The following DAB1 variants were observed in gnomAD, a reference collection of about 807,000 sequenced individuals.
DAB1 encodes the protein disabled homolog 1.
DAB1 carries 15 observed loss-of-function variants against 64.6 expected under a neutral mutation model. That is an observed-to-expected ratio of 0.23 (90% CI 0.16 to 0.36). DAB1 has a LOEUF of 0.36. DAB1 is among the 10% of genes least tolerant of loss of function. The pLI is 1.00. For missense variants in DAB1, 596 were observed against 706.7 expected (o/e 0.84, Z 1.78); for synonymous variants, 235 against 251.9 (o/e 0.93, Z 0.64).
intron 4 of DAB1, among the ~76,000 whole-genome samples, chr1:57,123,216 G>A (rs12564278): frequency 0.011 from 1,719 of 152,126 alleles, 28 homozygotes; most frequent in East Asian, 0.057. Context: ...GGCAGTCCAG[G>A]CAGTTAACAC....
intron 9 of DAB1, among the ~76,000 whole-genome samples, chr1:57,030,230 C>A (rs958239613): frequency 2.0e-5 from 3 of 152,136 alleles, no homozygotes; most frequent in Non-Finnish European, 4.4e-5. Flanking sequence ...TGCTGCCATG[C>A]GAGAAGTGCC....
intron 4 of DAB1, among the ~76,000 whole-genome samples, chr1:58,317,501 C>G (rs1165213519): frequency 6.6e-6 from 1 of 152,198 alleles, no homozygotes; most frequent in African/African-American, 2.4e-5. Flanking sequence ...ATTCAACTGG[C>G]TTGAAGATGG....
intron 1 of DAB1, among the ~76,000 whole-genome samples, chr1:57,413,505 G>A (rs1401121235): frequency 6.6e-6 from 1 of 152,094 alleles, no homozygotes; most frequent in African/African-American, 2.4e-5. Flanking sequence ...ACTTTGGGAG[G>A]CGGAAGCGGG....
At chr1:57,262,322 A>G (rs1011370067) in intron 2 of DAB1, among the ~76,000 whole-genome samples, 1 of 152,250 alleles carries the variant, frequency 6.6e-6, no homozygotes, top group Non-Finnish European at 1.5e-5. Context: ...CATCAACTCC[A>G]ATCATTAGGC....
chr1:58,160,216 G>A (rs923932685), intron 4 of DAB1, among the ~76,000 whole-genome samples: 11 of 152,102 alleles, frequency 7.2e-5, no homozygotes, highest in Non-Finnish European at 1.0e-4. Context: ...GGTAAGAGCT[G>A]TCACCCAGTC....
rs184522335 is a variant in DAB1, at chr1:57,039,785, T to G, written c.724-13742A>C. Among the ~76,000 whole-genome samples, 880 of 152,226 alleles carry G rather than the reference T, an allele frequency of 5.8e-3. 11 individuals carry two copies. Among genetic ancestry groups the G allele is most frequent in the African/African-American group, 0.02 (825 of 41,538 alleles). On this transcript the variant is annotated intron_variant, in intron 9 of 14. Transcript: ENST00000371236. Reference sequence around the variant, plus strand: ...GGTGGCATGATCTGCAGGCAGAAAATCATTATGCAAATAAGCTACTAATGG... The same window carrying G: ...GGTGGCATGATCTGCAGGCAGAAAAGCATTATGCAAATAAGCTACTAATGG...
At chr1:58,038,210 T>G (rs1454132870) in intron 5 of DAB1, among the ~76,000 whole-genome samples, 3 of 152,192 alleles carry the variant, frequency 2.0e-5, no homozygotes, top group Admixed American at 6.5e-5. Context: ...ACAATTGATG[T>G]GGCTTCTCAG....
intron 3 of DAB1, among the ~76,000 whole-genome samples, chr1:58,456,134 A>G (rs1645191139): frequency 6.6e-6 from 1 of 152,246 alleles, no homozygotes; most frequent in Non-Finnish European, 1.5e-5. Flanking sequence ...GAATCTCTCA[A>G]TTTTCTTTTC....
intron 5 of DAB1, among the ~76,000 whole-genome samples, chr1:58,063,782 A>G (rs751521131): frequency 2.0e-5 from 3 of 152,242 alleles, no homozygotes; most frequent in Non-Finnish European, 4.4e-5. Context: ...ACAATGGGAA[A>G]GCCGCAGGTG....
intron 7 of DAB1, among the ~76,000 whole-genome samples, chr1:57,562,006 C>T (rs1325112489): frequency 6.6e-6 from 1 of 152,256 alleles, no homozygotes; most frequent in Non-Finnish European, 1.5e-5. Flanking sequence ...TGTGGACTCA[C>T]AGAATGCCTT....
intron 4 of DAB1, chr1:58,228,871 C>T: frequency 3.5e-6 from 2 of 571,956 alleles, no homozygotes; most frequent in South Asian, 1.5e-5. Context: ...AGGACAGAGG[C>T]CCAGAGCATC....
At chr1:57,670,626 A>C (rs1646499104) in intron 6 of DAB1, among the ~76,000 whole-genome samples, 1 of 152,162 alleles carries the variant, frequency 6.6e-6, no homozygotes, top group Admixed American at 6.6e-5. Flanking sequence ...AGATGAAGAA[A>C]AGGTAGAACA....
At chr1:57,044,680 A>G (rs1159010805) in intron 9 of DAB1, among the ~76,000 whole-genome samples, 1 of 152,048 alleles carries the variant, frequency 6.6e-6, no homozygotes, top group African/African-American at 2.4e-5. Flanking sequence ...TCTATGAAAA[A>G]CCTTTTTAAT....
Position 58,129,927 on chromosome 1 carries a change from T to G in DAB1, n.387+20584A>C, listed in dbSNP as rs1321376914. Among the ~76,000 whole-genome samples the G allele has an allele frequency of 5.5e-5, 8 of 146,722 alleles. No homozygotes were observed. The East Asian group carries it at 6.1e-4, about 11-fold the overall frequency. ...GTGGTGTGGTGCTGAAAAAAATGTA[T>G]ATTCTGTTGATTTGGGGTGGAGAGT... On this transcript the variant is annotated intron_variant and non_coding_transcript_variant, in intron 5 of 20. Transcript: ENST00000485760.
At chr1:57,198,262 C>T (rs59015063) in intron 2 of DAB1, among the ~76,000 whole-genome samples, 6,555 of 152,080 alleles carry the variant, frequency 0.043, 217 homozygotes, top group East Asian at 0.093. Flanking sequence ...AAATCACCCA[C>T]GCTGTGACAG....
chr1:57,768,461 C>T (rs3131743), intron 6 of DAB1, among the ~76,000 whole-genome samples: 56,811 of 150,878 alleles, frequency 0.38, 11,106 homozygotes, highest in East Asian at 0.62. Flanking sequence ...AAATAACACT[C>T]TTTTTTGTTC....
chr1:57,457,849 T>C (rs1686654044), intron 7 of DAB1, among the ~76,000 whole-genome samples: 1 of 152,136 alleles, frequency 6.6e-6, no homozygotes, highest in Non-Finnish European at 1.5e-5. Context: ...ATTACAGGAT[T>C]GTCCAAGGAG....
chr1:57,396,686 T>C (rs1374615876), intron 1 of DAB1, among the ~76,000 whole-genome samples: 3 of 152,218 alleles, frequency 2.0e-5, no homozygotes, highest in African/African-American at 7.2e-5. Flanking sequence ...GACCACGTAC[T>C]AGTACTTCTC....
intron 4 of DAB1, among the ~76,000 whole-genome samples, chr1:58,171,135 C>A (rs181032507): frequency 6.6e-6 from 1 of 152,304 alleles, no homozygotes; most frequent in East Asian, 1.9e-4. Context: ...TCAGCCAAAG[C>A]TGGAGCTATT....
Sources: gnomAD v4.1 joint callset for allele counts (sites outside exome capture counted in the v4.1 genomes callset) on GRCh38, gnomAD v4.1.1 for gene constraint, MANE v1.5 for transcripts, NCBI Gene and HGNC (gene_info 2026-07-23, HGNC 2026-07-21) for gene names.